The following FOXJ3 variants were observed in gnomAD, a reference collection of about 807,000 sequenced individuals.
FOXJ3 encodes forkhead box protein J3.
A neutral mutation model predicts 76.1 loss-of-function variants in FOXJ3; 22 were observed. The observed-to-expected ratio is 0.29, with a 90% confidence interval of 0.21 to 0.41. The LOEUF is 0.41. Among genes scored for constraint, FOXJ3 ranks in the 10% least tolerant of loss-of-function variants. FOXJ3 has a pLI of 1.00. For synonymous variants in FOXJ3, 269 were observed against 261.2 expected (o/e 1.03, Z -0.29); for missense variants, 613 against 762.1 (o/e 0.80, Z 2.30).
intron 5 of FOXJ3, among the ~76,000 whole-genome samples, chr1:42,211,732 C>A (rs955891052): frequency 1.3e-5 from 2 of 152,182 alleles, no homozygotes; most frequent in East Asian, 3.9e-4. Context: ...CCTGCTCACA[C>A]ATCCAGCACA....
In FOXJ3 at chr1:42,281,834, G is replaced by A. The variant is rs148696656; in HGVS notation, c.45-3162C>T. On this transcript the variant is annotated intron_variant, in intron 2 of 12. Transcript: ENST00000361346. Reference sequence around the variant, plus strand: ...AACACTTTGGGAGGCCGAGGCAGGCGGATCACCTGAGGTCTGGAGTTTGAG... The same window carrying A: ...AACACTTTGGGAGGCCGAGGCAGGCAGATCACCTGAGGTCTGGAGTTTGAG... Among the ~76,000 whole-genome samples, 445 of 152,278 alleles carry A rather than the reference G, an allele frequency of 2.9e-3. 2 individuals carry two copies. The highest frequency in any genetic ancestry group is 9.9e-3 in the African/African-American group (412 of 41,560).
chr1:42,261,526 A>G (rs1051201415), intron 4 of FOXJ3, among the ~76,000 whole-genome samples: 1 of 152,208 alleles, frequency 6.6e-6, no homozygotes, highest in African/African-American at 2.4e-5. Flanking sequence ...TTACGACACA[A>G]TCTTCTTGAA....
At chr1:42,308,497 T>C (rs923330796) in intron 2 of FOXJ3, among the ~76,000 whole-genome samples, 1 of 152,114 alleles carries the variant, frequency 6.6e-6, no homozygotes, top group African/African-American at 2.4e-5. Context: ...CATCTAAGAA[T>C]GAGATTCCTC....
chr1:42,181,782 C>T (rs756453973), intron 12 of FOXJ3, 135 bp downstream of exon 12: 9 of 567,092 alleles, frequency 1.6e-5, no homozygotes, highest in Non-Finnish European at 2.5e-5. Flanking sequence ...CACACACATG[C>T]TTCTCAATAT....
At chr1:42,306,844 C>T (rs1455494066) in intron 2 of FOXJ3, among the ~76,000 whole-genome samples, 2 of 152,174 alleles carry the variant, frequency 1.3e-5, no homozygotes, top group Non-Finnish European at 2.9e-5. Context: ...TAAATACTAG[C>T]TGTAAAACAT....
intron 2 of FOXJ3, among the ~76,000 whole-genome samples, chr1:42,286,381 G>A (rs1209271378): frequency 6.6e-6 from 1 of 152,158 alleles, no homozygotes; most frequent in Non-Finnish European, 1.5e-5. Context: ...AGGCTCTGGA[G>A]CAAGACTGCC....
At chr1:42,231,992 C>A (rs1648184028) in intron 4 of FOXJ3, among the ~76,000 whole-genome samples, 2 of 151,930 alleles carry the variant, frequency 1.3e-5, no homozygotes, top group Non-Finnish European at 2.9e-5. Context: ...TGTTCTCCTT[C>A]CTGTGTCCAT....
chr1:42,211,631 C>T (rs535198549), intron 5 of FOXJ3, among the ~76,000 whole-genome samples: 17 of 152,196 alleles, frequency 1.1e-4, no homozygotes, highest in African/African-American at 4.1e-4. Flanking sequence ...GAATAAAGTA[C>T]TGGAGGAGAA....
intron 2 of FOXJ3, among the ~76,000 whole-genome samples, chr1:42,300,556 G>A (rs528714809): frequency 2.6e-4 from 40 of 152,206 alleles, no homozygotes; most frequent in Non-Finnish European, 4.1e-4. Flanking sequence ...CGGGTGGATC[G>A]CTTGAGCTCA....
At chr1:42,266,605 C>T (rs1039219342) in intron 3 of FOXJ3, among the ~76,000 whole-genome samples, 16 of 152,082 alleles carry the variant, frequency 1.1e-4, no homozygotes, top group African/African-American at 3.9e-4. Flanking sequence ...ACCCCAGACA[C>T]GAGAAGTTCC....
rs144615196 is a variant in FOXJ3 at position 42,284,277 on chromosome 1, T to C, written c.45-5605A>G. On this transcript the variant is annotated intron_variant, in intron 2 of 12. Transcript: ENST00000361346. ...ATTCCGATACTGACGGTTGGAAAGC[T>C]GATTACAAAGAATTTGGTCGAACTG... Among the ~76,000 whole-genome samples the C allele has an allele frequency of 3.3e-5, 5 of 152,316 alleles. No individual in the cohort carries two copies. The East Asian group carries it at 9.6e-4, about 29-fold the overall frequency.
chr1:42,324,339 C>CTA (rs111699698), intron 1 of FOXJ3, among the ~76,000 whole-genome samples: 115,671 of 143,000 alleles, frequency 0.81, 46,852 homozygotes, highest in Admixed American at 0.86. Context: ...AACATATACA[C>CTA]TATATACTAT....
intron 7 of FOXJ3, among the ~76,000 whole-genome samples, chr1:42,197,332 T>C (rs755885712): frequency 2.0e-5 from 3 of 152,052 alleles, no homozygotes; most frequent in African/African-American, 4.8e-5. Flanking sequence ...TAGCAAGATC[T>C]TGTGTCTAAA....
chr1:42,222,875 A>C (rs1431085095), intron 5 of FOXJ3, among the ~76,000 whole-genome samples: 1 of 152,140 alleles, frequency 6.6e-6, no homozygotes, highest in Non-Finnish European at 1.5e-5. Context: ...TTAGACATAT[A>C]CCCTGAATGG....
chr1:42,255,281 G>C (rs558482992), intron 4 of FOXJ3, among the ~76,000 whole-genome samples: 10 of 152,178 alleles, frequency 6.6e-5, no homozygotes, highest in Non-Finnish European at 1.3e-4. Flanking sequence ...GTATGAAGTG[G>C]AGGGTAGTAT....
In FOXJ3 at chr1:42,181,897, ACTCTCT is replaced by A. The variant is rs150006846; in HGVS notation, c.1753+14_1753+19del. 6.7e-6 allele frequency: 8 copies of A among 1,193,106 alleles called. No individual in the cohort carries two copies. Among genetic ancestry groups the A allele is most frequent in the Non-Finnish European group, 9.5e-6 (8 of 842,196 alleles). The allele number at this position is 1,193,106 out of a possible 1,614,324, so 73.9% of individuals were successfully genotyped here. A position where few individuals can be genotyped will look rare whatever the true frequency, so the allele number is the denominator to read the frequency against. ...CACACACACACACACACACACACTC[ACTCTCT>A]CTCTCTCTCTTACCTGCCATCGTTG... On this transcript the variant is annotated intron_variant, in intron 12 of 12. Coordinates refer to ENST00000361346, the MANE Select transcript of FOXJ3 (RefSeq NM_014947.5).
At chr1:42,212,992 A>T (rs1205137778) in intron 5 of FOXJ3, among the ~76,000 whole-genome samples, 2 of 144,906 alleles carry the variant, frequency 1.4e-5, no homozygotes, top group Non-Finnish European at 3.0e-5. Flanking sequence ...ACTAAGTTTC[A>T]TAAGTGAAGG....
At chr1:42,250,562 AG>A (rs1328060004) in intron 4 of FOXJ3, among the ~76,000 whole-genome samples, 2 of 152,134 alleles carry the variant, frequency 1.3e-5, no homozygotes, top group Non-Finnish European at 2.9e-5. Flanking sequence ...AAAGTCCAGT[AG>A]GCCGGGCACG....
intron 2 of FOXJ3, among the ~76,000 whole-genome samples, chr1:42,310,619 T>G (rs1350913255): frequency 6.6e-6 from 1 of 151,624 alleles, no homozygotes; most frequent in East Asian, 1.9e-4. Context: ...GGCTAATTAT[T>G]TTGTATTTTT....
Sources: gnomAD v4.1 joint callset for allele counts (sites outside exome capture counted in the v4.1 genomes callset) on GRCh38, gnomAD v4.1.1 for gene constraint, MANE v1.5 for transcripts, NCBI Gene and HGNC (gene_info 2026-07-23, HGNC 2026-07-21) for gene names.